ROR2: variants seen among roughly 807,000 people sequenced by gnomAD.
The protein encoded by ROR2 is ROR family WNT receptor 2.
Under a neutral mutation model 74.9 loss-of-function variants are expected in ROR2, and 33 were observed. The observed-to-expected ratio is 0.44, with a 90% CI of 0.33 to 0.59. The LOEUF (loss-of-function observed/expected upper bound fraction) is 0.59. ROR2 is among the 20% of genes least tolerant of loss of function. The pLI is 0.02. For missense variants in ROR2, 1,216 were observed against 1,313.8 expected (o/e 0.93, Z 1.15); for synonymous variants, 586 against 558.7 (o/e 1.05, Z -0.69).
At chr9:91,732,430 G>A (rs1265803934) in intron 6 of ROR2, among the ~76,000 whole-genome samples, 1 of 152,106 alleles carries the variant, frequency 6.6e-6, no homozygotes, top group Non-Finnish European at 1.5e-5. Flanking sequence ...ACCCCAAACA[G>A]GCCACACCCA....
At chr9:91,941,159 A>G (rs1458092369) in intron 1 of ROR2, among the ~76,000 whole-genome samples, 1 of 151,242 alleles carries the variant, frequency 6.6e-6, no homozygotes, top group Non-Finnish European at 1.5e-5. Context: ...CACCGTGCCC[A>G]GCTAATTTTT....
At chr9:91,845,753 G>A (rs1249934418) in intron 1 of ROR2, among the ~76,000 whole-genome samples, 1 of 151,600 alleles carries the variant, frequency 6.6e-6, no homozygotes, top group Non-Finnish European at 1.5e-5. Context: ...ATGGTGGCAG[G>A]TGTCTATCAT....
intron 1 of ROR2, among the ~76,000 whole-genome samples, chr9:91,812,570 C>CA (rs1563976862): frequency 6.8e-6 from 1 of 147,686 alleles, no homozygotes; most frequent in African/African-American, 2.5e-5. Context: ...CCCACCCCCC[C>CA]CACACACACG....
intron 1 of ROR2, among the ~76,000 whole-genome samples, chr9:91,780,243 G>A (rs576540899): frequency 6.6e-5 from 10 of 152,226 alleles, no homozygotes; most frequent in Admixed American, 2.0e-4. Flanking sequence ...CGGGCATGGT[G>A]GCAGGAGCCT....
At chr9:91,829,879 T>C (rs1457469796) in intron 1 of ROR2, among the ~76,000 whole-genome samples, 1 of 152,252 alleles carries the variant, frequency 6.6e-6, no homozygotes, top group African/African-American at 2.4e-5. Flanking sequence ...CCATCATTAA[T>C]CAATCAACAG....
intron 1 of ROR2, among the ~76,000 whole-genome samples, chr9:91,926,275 T>C (rs1336866125): frequency 6.6e-6 from 1 of 150,886 alleles, no homozygotes; most frequent in Non-Finnish European, 1.5e-5. Flanking sequence ...CCCAGCTACT[T>C]GGGAGGCTGA....
chr9:91,786,701 C>A (rs180991596), intron 1 of ROR2, among the ~76,000 whole-genome samples: 28 of 152,318 alleles, frequency 1.8e-4, no homozygotes, highest in African/African-American at 6.3e-4. Context: ...TCTGGGAAAT[C>A]TCTAGATTCG....
At chr9:91,731,920 A>C (rs976690409) in intron 6 of ROR2, among the ~76,000 whole-genome samples, 1 of 152,130 alleles carries the variant, frequency 6.6e-6, no homozygotes, top group East Asian at 1.9e-4. Flanking sequence ...GTCTCAAAAA[A>C]ACAAAACAAA....
chr9:91,909,071 C>G (rs934472984), intron 1 of ROR2, among the ~76,000 whole-genome samples: 1 of 152,220 alleles, frequency 6.6e-6, no homozygotes, highest in Non-Finnish European at 1.5e-5. Flanking sequence ...ACGCAACATG[C>G]TGCTTTGCCA....
intron 1 of ROR2, among the ~76,000 whole-genome samples, chr9:91,892,590 C>CTTTTTTTTTTTTTTTTTTTTTT (rs547073635): frequency 5.7e-5 from 6 of 105,454 alleles, no homozygotes; most frequent in Non-Finnish European, 1.1e-4. Context: ...CTTTTCTTTT[C>CTTTTTTTTTTTTTTTTTTTTTT]TTTTTTTTTT....
chr9:91,935,988 C>A (rs1392312817), intron 1 of ROR2, among the ~76,000 whole-genome samples: 1 of 152,216 alleles, frequency 6.6e-6, no homozygotes, highest in Non-Finnish European at 1.5e-5. Context: ...CACAAAGCAC[C>A]CACCGCCTCC....
At chr9:91,861,266 T>C (rs1175934177) in intron 1 of ROR2, among the ~76,000 whole-genome samples, 3 of 152,178 alleles carry the variant, frequency 2.0e-5, no homozygotes, top group Non-Finnish European at 2.9e-5. Context: ...TTTGCAGAGA[T>C]TGACCTGCTG....
chr9:91,871,489 A>C (rs1829795518), intron 1 of ROR2, among the ~76,000 whole-genome samples: 1 of 152,176 alleles, frequency 6.6e-6, no homozygotes, highest in Non-Finnish European at 1.5e-5. Context: ...TGGTATATTC[A>C]ATTTCCATTT....
intron 1 of ROR2, among the ~76,000 whole-genome samples, chr9:91,931,503 AAAG>A (rs1255591884): frequency 6.6e-6 from 1 of 152,212 alleles, no homozygotes; most frequent in Non-Finnish European, 1.5e-5. Context: ...TAGGGCAGAT[AAAG>A]AAGACAAAAG....
At chr9:91,831,468 T>C (rs925920730) in intron 1 of ROR2, among the ~76,000 whole-genome samples, 25 of 152,012 alleles carry the variant, frequency 1.6e-4, no homozygotes, top group African/African-American at 5.6e-4. Flanking sequence ...ACAACATCCA[T>C]TCCCCTGCAA....
At chr9:91,864,511 T>C (rs1193399733) in intron 1 of ROR2, among the ~76,000 whole-genome samples, 1 of 152,144 alleles carries the variant, frequency 6.6e-6, no homozygotes, top group East Asian at 1.9e-4. Context: ...TTAAACACAT[T>C]AGGATTTTCT....
At chr9:91,772,422 G>A (rs1826261499) in intron 2 of ROR2, among the ~76,000 whole-genome samples, 1 of 152,190 alleles carries the variant, frequency 6.6e-6, no homozygotes, top group Non-Finnish European at 1.5e-5. Context: ...ACTGTGCTGA[G>A]AGCAGTGCCA....
At chr9:91,835,707 G>A (rs1278995163) in intron 1 of ROR2, among the ~76,000 whole-genome samples, 1 of 152,190 alleles carries the variant, frequency 6.6e-6, no homozygotes, top group African/African-American at 2.4e-5. Context: ...GCAGGGGTGG[G>A]AGGGAAAAGC....
chr9:91,769,873 C>A (rs1291666313), intron 2 of ROR2, among the ~76,000 whole-genome samples: 2 of 152,212 alleles, frequency 1.3e-5, no homozygotes, highest in African/African-American at 2.4e-5. Flanking sequence ...CCGCCTCATA[C>A]TGGGACGTTT....
Sources: gnomAD v4.1 joint callset for allele counts (sites outside exome capture counted in the v4.1 genomes callset) on GRCh38, gnomAD v4.1.1 for gene constraint, MANE v1.5 for transcripts, NCBI Gene and HGNC (gene_info 2026-07-23, HGNC 2026-07-21) for gene names.